Variants in MOK observed in about 807,000 individuals in gnomAD.
MOK encodes MAPK/MAK/MRK overlapping kinase.
A neutral mutation model predicts 54.2 loss-of-function variants in MOK; 59 were observed. That is an observed-to-expected ratio of 1.09 (90% CI 0.88 to 1.35). MOK has a LOEUF of 1.35. Ranked by LOEUF, MOK falls within the 40% of genes most tolerant of loss-of-function variation. The pLI is 0.00. For synonymous variants in MOK, 210 were observed against 202.7 expected, an observed-to-expected ratio of 1.04 and a Z score of -0.31; for missense variants, 517 against 526.2, an observed-to-expected ratio of 0.98 and a Z score of 0.17.
intron 7 of MOK, among the ~76,000 whole-genome samples, chr14:102,242,701 AT>A (rs2065811347): frequency 6.6e-6 from 1 of 151,846 alleles, no homozygotes; most frequent in Non-Finnish European, 1.5e-5. Context: ...CAATTCCCCC[AT>A]TTTCCCTGTC....
In MOK at chr14:102,232,000, G is replaced by A; in HGVS notation, c.867-179C>T. The A allele has an allele frequency of 1.9e-6, 1 of 537,308 alleles. No homozygotes were observed. The highest frequency in any genetic ancestry group is 3.3e-6 in the Non-Finnish European group (1 of 304,492). 33.3% of individuals were successfully genotyped at this position (537,308 alleles called of 1,614,324 possible). A position where few individuals can be genotyped will look rare whatever the true frequency, so the allele number is the denominator to read the frequency against. ...TTCTGTCTCAGCCTGACAGTCTCTG[G>A]GCCAGGAACAGAGCTGGCTCCATGA... On this transcript the variant is annotated intron_variant, in intron 9 of 11. Coordinates refer to ENST00000361847, the MANE Select transcript of MOK (RefSeq NM_014226.3). This position sits in a 1 kb window ranked among gnomAD's most constrained non-coding sequence, Gnocchi z 4.4.
At chr14:102,248,859 CCT>C (rs947178299) in intron 7 of MOK, among the ~76,000 whole-genome samples, 2 of 151,920 alleles carry the variant, frequency 1.3e-5, no homozygotes, top group African/African-American at 4.8e-5. Flanking sequence ...AATATAAATC[CCT>C]CATTCTATAA....
intron 2 of MOK, among the ~76,000 whole-genome samples, chr14:102,279,817 T>C (rs1288913211): frequency 6.6e-6 from 1 of 152,092 alleles, no homozygotes; most frequent in African/African-American, 2.4e-5. Flanking sequence ...TAATCCATTA[T>C]GTGTATTTTT....
rs1460110395 is a variant in MOK, at chr14:102,232,458, C to G, written c.866+77G>C. On this transcript the variant is annotated intron_variant, in intron 9 of 11. Coordinates refer to ENST00000361847, the MANE Select transcript of MOK (RefSeq NM_014226.3). This position sits in a 1 kb window ranked among gnomAD's most constrained non-coding sequence, Gnocchi z 5.1. ...ACCAGGGACCCTCCAGGGGGCAGTA[C>G]CTTGCCCCACCATGTGCCCATGGGT... is the stretch of plus-strand genomic sequence containing the variant. 7.3e-6 allele frequency: 11 copies of G among 1,501,692 alleles called. No individual in the cohort carries two copies. 93.0% of individuals were successfully genotyped at this position (1,501,692 alleles called of 1,614,324 possible). A position where few individuals can be genotyped will look rare whatever the true frequency, so the allele number is the denominator to read the frequency against.
chr14:102,230,848 T>C lies in MOK; in HGVS notation c.981+859A>G, dbSNP rs2064627677. 6.6e-6 allele frequency: 1 copy of C among 152,294 alleles called. No individual in the cohort carries two copies. The allele number at this position is 152,294 out of a possible 1,614,324, so 9.4% of individuals were successfully genotyped here. On this transcript the variant is annotated intron_variant, in intron 10 of 11. Coordinates refer to ENST00000361847, the MANE Select transcript of MOK (RefSeq NM_014226.3). This position sits in a 1 kb window ranked among gnomAD's most constrained non-coding sequence, Gnocchi z 4.1. Reference sequence around the variant, plus strand: ...GGAAGCCACAGGGAAAAAGCACGTTTGGGGAAAGATCAGGAGAAGGGGTTT... The same window carrying C: ...GGAAGCCACAGGGAAAAAGCACGTTCGGGGAAAGATCAGGAGAAGGGGTTT...
chr14:102,286,025 C>G (rs567022123), intron 1 of MOK, among the ~76,000 whole-genome samples: 1 of 152,056 alleles, frequency 6.6e-6, no homozygotes, highest in African/African-American at 2.4e-5. Context: ...CCGGGCCGGG[C>G]GCGGTGGCTC....
At chr14:102,296,755 T>TA (rs2071462636) in intron 1 of MOK, among the ~76,000 whole-genome samples, 1 of 151,948 alleles carries the variant, frequency 6.6e-6, no homozygotes, top group African/African-American at 2.4e-5. Context: ...CCCTCATCTC[T>TA]AAAAAAATAA....
At chr14:102,261,878 C>T (rs1226701258) in intron 4 of MOK, among the ~76,000 whole-genome samples, 3 of 147,116 alleles carry the variant, frequency 2.0e-5, no homozygotes, top group Non-Finnish European at 4.5e-5. Context: ...GAGTCTCGCT[C>T]TGTCACCCAG....
intron 3 of MOK, 149 bp downstream of exon 3, chr14:102,265,674 C>A: frequency 1.7e-6 from 1 of 591,590 alleles, no homozygotes. Context: ...CACATTTTTC[C>A]AAATAAAAAT....
chr14:102,261,437 A>G (rs1353548331), intron 4 of MOK, among the ~76,000 whole-genome samples: 1 of 97,614 alleles, frequency 1.0e-5, no homozygotes, highest in Non-Finnish European at 2.1e-5. Context: ...ATATATATAT[A>G]TATATATATA....
At chr14:102,283,405 C>G in intron 2 of MOK, 73 bp downstream of exon 2, 2 of 899,038 alleles carry the variant, frequency 2.2e-6, no homozygotes, top group South Asian at 1.6e-5. Context: ...AAAGCTCCCC[C>G]CTAATATTAA....
In MOK at chr14:102,229,083, T is replaced by C; in HGVS notation, c.*206A>G. 1 of 524,722 alleles carries C rather than the reference T, an allele frequency of 1.9e-6. No homozygotes were observed. Among genetic ancestry groups the C allele is most frequent in the Non-Finnish European group, 3.3e-6 (1 of 302,980 alleles). 32.5% of individuals were successfully genotyped at this position (524,722 alleles called of 1,614,324 possible). On this transcript the variant is annotated 3_prime_UTR_variant, in exon 12 of 12. Transcript: ENST00000361847. ...AGAAAACCCTAGAATGCGGTGGTTT[T>C]ACAAGTATATTAGCCCAGAACATCC...
At chr14:102,229,728 A>C (rs535846943) in intron 10 of MOK, 71 bp from the exon 11 acceptor site, 52 of 1,375,008 alleles carry the variant, frequency 3.8e-5, no homozygotes, top group Admixed American at 4.6e-5. Flanking sequence ...AAAACGAAAG[A>C]GGCTCTTTTG....
chr14:102,252,487 C>T (rs1190953767), intron 4 of MOK, among the ~76,000 whole-genome samples: 2 of 152,074 alleles, frequency 1.3e-5, no homozygotes, highest in African/African-American at 4.8e-5. Context: ...GGCATGATCT[C>T]ATTTAAAATT....
intron 1 of MOK, 77 bp from the exon 2 acceptor site, chr14:102,283,669 T>A: frequency 1.2e-6 from 1 of 856,494 alleles, no homozygotes; most frequent in Non-Finnish European, 1.8e-6. Context: ...AGCAAACTTT[T>A]AATCTATAAG....
In MOK at chr14:102,229,590, G is replaced by T. The variant is rs2064475399; in HGVS notation, c.1049C>A (p.Pro350His). ...RRGPAYVMEL[P>H]KLKLSGVVRL... ...GACCACTCCCGAAAGCTTTAGTTTG[G>T]GCAGTTCCATGACATAGGCCGGTCC... Residue 350 changes from proline (P) to histidine (H), a missense_variant, in exon 11 of 12, where the codon CCC (proline) becomes CAC (histidine). Transcript: ENST00000361847. 1 of 1,614,056 alleles carries T rather than the reference G, an allele frequency of 6.2e-7. No homozygotes were observed. The highest frequency in any genetic ancestry group is 1.1e-5 in the South Asian group (1 of 91,090).
the MOK span, among the ~76,000 whole-genome samples, chr14:102,218,811 C>T: frequency 6.6e-6 from 1 of 152,242 alleles, no homozygotes; most frequent in African/African-American, 2.4e-5. Flanking sequence ...GCTCCTTTGC[C>T]TGATGGCAAC....
chr14:102,299,162 T>C (rs1438417680), intron 1 of MOK, among the ~76,000 whole-genome samples: 2 of 151,082 alleles, frequency 1.3e-5, no homozygotes, highest in Admixed American at 6.6e-5. Flanking sequence ...ACTCTTTCCA[T>C]GGCGGAAAAA....
intron 3 of MOK, 36 bp downstream of exon 3, chr14:102,265,787 A>C: frequency 2.0e-6 from 3 of 1,515,566 alleles, no homozygotes; most frequent in South Asian, 1.1e-5. Flanking sequence ...ATTTTCATCA[A>C]ATTTAGATAA....
Sources: allele counts gnomAD v4.1 joint callset (sites outside exome capture counted in the v4.1 genomes callset), GRCh38; gene constraint gnomAD v4.1.1; non-coding constraint Gnocchi (gnomAD v3.1); transcripts MANE v1.5; gene names NCBI Gene and HGNC (gene_info 2026-07-23, HGNC 2026-07-21).